Variants in STXBP5 observed in about 807,000 individuals in gnomAD.
STXBP5 encodes the protein syntaxin binding protein 5.
A neutral mutation model predicts 152.4 loss-of-function variants in STXBP5; 50 were observed. That is an observed-to-expected ratio of 0.33 (90% CI 0.26 to 0.42). The LOEUF (loss-of-function observed/expected upper bound fraction) is 0.42, where lower values mean the gene tolerates loss of function less well. Among genes scored for constraint, STXBP5 ranks in the 10% least tolerant of loss-of-function variants. STXBP5 has a pLI of 1.00. For synonymous variants in STXBP5, 492 were observed against 494.7 expected (o/e 0.99, Z 0.07); for missense variants, 1,167 against 1,388.6 (o/e 0.84, Z 2.54).
intron 7 of STXBP5, among the ~76,000 whole-genome samples, chr6:147,271,702 C>T (rs891170292): frequency 1.3e-5 from 2 of 152,062 alleles, no homozygotes; most frequent in African/African-American, 4.8e-5. Flanking sequence ...CGAGTGGCCT[C>T]AGCTTTCACC....
At chr6:147,306,498 A>C (rs533626524) in intron 9 of STXBP5, among the ~76,000 whole-genome samples, 1 of 152,356 alleles carries the variant, frequency 6.6e-6, no homozygotes, top group African/African-American at 2.4e-5. Context: ...GAACAACTCA[A>C]CTGAATGCTA....
chr6:147,211,872 CT>C (rs1402518590), intron 2 of STXBP5, among the ~76,000 whole-genome samples: 3 of 152,270 alleles, frequency 2.0e-5, no homozygotes, highest in Non-Finnish European at 4.4e-5. Flanking sequence ...TTTATCCATT[CT>C]TCTCCCTCCC....
chr6:147,225,442 AT>A (rs1777661636), intron 2 of STXBP5, among the ~76,000 whole-genome samples: 2 of 152,204 alleles, frequency 1.3e-5, no homozygotes, highest in Non-Finnish European at 2.9e-5. Flanking sequence ...TAGGTTGGAA[AT>A]TGAATATGTC....
intron 16 of STXBP5, among the ~76,000 whole-genome samples, chr6:147,322,561 T>G (rs1359711131): frequency 1.3e-5 from 2 of 152,208 alleles, no homozygotes; most frequent in Non-Finnish European, 2.9e-5. Context: ...TTCTTACCTC[T>G]GAGTTTGGTG....
At chr6:147,316,438 G>A in intron 16 of STXBP5, 31 bp downstream of exon 16, 5 of 1,430,792 alleles carry the variant, frequency 3.5e-6, no homozygotes, top group Non-Finnish European at 4.6e-6. Flanking sequence ...GAGGAGTTTT[G>A]GATATTATCT....
intron 8 of STXBP5, among the ~76,000 whole-genome samples, chr6:147,286,522 T>C: frequency 6.6e-6 from 1 of 152,336 alleles, no homozygotes; most frequent in East Asian, 1.9e-4. Context: ...TTAGCAGTTA[T>C]AGCTCAGTAG....
chr6:147,305,739 A>G (rs540063146), intron 9 of STXBP5, among the ~76,000 whole-genome samples: 13 of 152,324 alleles, frequency 8.5e-5, no homozygotes, highest in Non-Finnish European at 1.3e-4. Context: ...TTCATTCAGT[A>G]AATACATATG....
At chr6:147,339,456 C>G (rs1783992071) in intron 21 of STXBP5, 72 bp downstream of exon 21, 3 of 1,134,872 alleles carry the variant, frequency 2.6e-6, no homozygotes, top group Non-Finnish European at 3.6e-6. Flanking sequence ...CCAGAATTAT[C>G]CAGTGCATTG....
At chr6:147,378,050 G>A (rs1785898126) in intron 26 of STXBP5, among the ~76,000 whole-genome samples, 2 of 152,010 alleles carry the variant, frequency 1.3e-5, no homozygotes, top group South Asian at 4.2e-4. Flanking sequence ...AATTCTAATA[G>A]TACTGTAACT....
intron 3 of STXBP5, among the ~76,000 whole-genome samples, chr6:147,236,118 A>G (rs1778256009): frequency 6.6e-6 from 1 of 152,178 alleles, no homozygotes; most frequent in Admixed American, 6.5e-5. Flanking sequence ...CTTTTGATAA[A>G]TGTTATATTC....
At chr6:147,368,304 G>C (rs529127027) in intron 25 of STXBP5, among the ~76,000 whole-genome samples, 1 of 151,946 alleles carries the variant, frequency 6.6e-6, no homozygotes, top group African/African-American at 2.4e-5. Flanking sequence ...TATATCAAAG[G>C]GATAATACAT....
chr6:147,241,515 A>G (rs939832992), intron 4 of STXBP5, among the ~76,000 whole-genome samples: 6 of 152,182 alleles, frequency 3.9e-5, no homozygotes, highest in Non-Finnish European at 5.9e-5. Flanking sequence ...TGTCATATAT[A>G]TAGCCATGTG....
At chr6:147,296,742 A>G (rs929777345) in intron 9 of STXBP5, among the ~76,000 whole-genome samples, 1 of 151,768 alleles carries the variant, frequency 6.6e-6, no homozygotes, top group African/African-American at 2.4e-5. Flanking sequence ...ACAAAATCAG[A>G]AAAAAAATAG....
At chr6:147,367,979 C>T (rs1000439397) in intron 25 of STXBP5, among the ~76,000 whole-genome samples, 1 of 151,834 alleles carries the variant, frequency 6.6e-6, no homozygotes, top group East Asian at 1.9e-4. Context: ...AATAGATAAC[C>T]GAAATAGTCC....
At position 147,256,807 on chromosome 6, in the gene STXBP5, T is replaced by C. The variant is rs144335355; in HGVS notation, c.432-3808T>C. The stretch of plus-strand genomic sequence containing the variant: ...GCTCATTTAATAAAGACTTACTGAA[T>C]ACTCATTAGGTGTAAGATATTATGA... On this transcript the variant is annotated intron_variant, in intron 4 of 27. Coordinates refer to ENST00000321680, the MANE Select transcript of STXBP5 (RefSeq NM_001127715.4). 4.2e-3 allele frequency among the ~76,000 whole-genome samples: 644 copies of C among 152,306 alleles called. 3 individuals are homozygous for C. Among genetic ancestry groups the C allele is most frequent in the African/African-American group, 0.015 (604 of 41,584 alleles).
At chr6:147,348,970 C>T (rs541301076) in intron 21 of STXBP5, among the ~76,000 whole-genome samples, 1 of 152,176 alleles carries the variant, frequency 6.6e-6, no homozygotes, top group African/African-American at 2.4e-5. Flanking sequence ...TTGCTTCTGA[C>T]TATGGGCATT....
At chr6:147,220,612 T>C (rs1777410631) in intron 2 of STXBP5, among the ~76,000 whole-genome samples, 1 of 152,170 alleles carries the variant, frequency 6.6e-6, no homozygotes, top group Non-Finnish European at 1.5e-5. Context: ...TTGACTCTTT[T>C]TTCATTTTGT....
chr6:147,370,983 C>T (rs977179843), intron 25 of STXBP5, among the ~76,000 whole-genome samples: 14 of 151,894 alleles, frequency 9.2e-5, no homozygotes, highest in Admixed American at 7.9e-4. Flanking sequence ...TGAAATTAGT[C>T]CTAAATTTTA....
intron 9 of STXBP5, chr6:147,292,715 G>A (rs1251663185): frequency 6.6e-6 from 1 of 152,278 alleles, no homozygotes; most frequent in Non-Finnish European, 1.5e-5. Flanking sequence ...GACTAATTAG[G>A]TTCTATTCTT....
Sources: gnomAD v4.1 joint callset for allele counts (sites outside exome capture counted in the v4.1 genomes callset) on GRCh38, gnomAD v4.1.1 for gene constraint, MANE v1.5 for transcripts, NCBI Gene and HGNC (gene_info 2026-07-23, HGNC 2026-07-21) for gene names.